RASEF: variants seen among roughly 807,000 people sequenced by gnomAD.
The protein encoded by RASEF is ras and EF-hand domain-containing protein.
A neutral mutation model predicts 90.1 loss-of-function variants in RASEF; 68 were observed. That is an observed-to-expected ratio of 0.75 (90% CI 0.62 to 0.92). RASEF has a LOEUF of 0.92. Ranked by LOEUF, RASEF falls within the 40% of genes least tolerant of loss-of-function variation. The probability of loss-of-function intolerance (pLI) is 0.00; values close to 1 mark genes in which losing one functional copy is unlikely to be tolerated. For synonymous variants in RASEF, 331 were observed against 345.2 expected (o/e 0.96, Z 0.46); for missense variants, 949 against 937.2 (o/e 1.01, Z -0.16).
At chr9:83,035,384 T>C (rs890455157) in intron 1 of RASEF, among the ~76,000 whole-genome samples, 2 of 152,172 alleles carry the variant, frequency 1.3e-5, no homozygotes, top group African/African-American at 4.8e-5. Context: ...TTACCATCTA[T>C]TAACATAAGG....
the RASEF span, among the ~76,000 whole-genome samples, chr9:83,208,410 T>C: frequency 6.6e-6 from 1 of 152,138 alleles, no homozygotes; most frequent in Non-Finnish European, 1.5e-5. Context: ...TAAAAGTTCC[T>C]CCTCTGAGCT....
At chr9:83,065,529 A>G (rs1830275380), upstream of RASEF, among the ~76,000 whole-genome samples, 1 of 152,182 alleles carries the variant, frequency 6.6e-6, no homozygotes, top group Non-Finnish European at 1.5e-5. Flanking sequence ...TATTCCATTG[A>G]CAAGTCACAT....
chr9:83,156,907 T>A, the RASEF span, among the ~76,000 whole-genome samples: 3 of 152,254 alleles, frequency 2.0e-5, no homozygotes, highest in African/African-American at 7.2e-5. Context: ...CAGTTTTCAC[T>A]GTAACACATG....
chr9:83,106,773 C>CCTT, the RASEF span, among the ~76,000 whole-genome samples: 1 of 104,950 alleles, frequency 9.5e-6, no homozygotes, highest in Non-Finnish European at 1.9e-5. Flanking sequence ...TTGTGACCAT[C>CCTT]CTTCTTTTCA....
the RASEF span, among the ~76,000 whole-genome samples, chr9:83,201,725 G>A: frequency 9.8e-4 from 149 of 152,274 alleles, no homozygotes; most frequent in African/African-American, 3.4e-3. Context: ...CTTGGAATAT[G>A]TAAGTAAGGA....
At chr9:83,210,101 A>G in the RASEF span, among the ~76,000 whole-genome samples, 1 of 152,184 alleles carries the variant, frequency 6.6e-6, no homozygotes, top group Non-Finnish European at 1.5e-5. Context: ...ATTTTCCACG[A>G]GAAAAAGGAG....
chr9:83,025,417 A>G (rs1829526257), intron 2 of RASEF, among the ~76,000 whole-genome samples: 1 of 152,222 alleles, frequency 6.6e-6, no homozygotes, highest in Admixed American at 6.5e-5. Context: ...CCTGCTCACA[A>G]AGTCTCATAC....
At chr9:83,218,864 T>C in the RASEF span, among the ~76,000 whole-genome samples, 1 of 152,028 alleles carries the variant, frequency 6.6e-6, no homozygotes. Flanking sequence ...AGCGTGGACA[T>C]TTACAGAAGC....
rs1468971060 is a variant in RASEF at position 83,062,996 on chromosome 9, C to G, written c.-129G>C. On this transcript the variant is annotated 5_prime_UTR_variant, in exon 1 of 17. Coordinates refer to ENST00000376447, the MANE Select transcript of RASEF (RefSeq NM_152573.4). The stretch of plus-strand genomic sequence containing the variant: ...TTGGCTCGTCCGGCTGGTTCGGCCA[C>G]TTGAGGGAACGTCGGGCGGGGCGAG... The G allele has an allele frequency of 3.0e-6, 3 of 1,008,222 alleles. No homozygotes were observed. Among genetic ancestry groups the G allele is most frequent in the Non-Finnish European group, 4.0e-6 (3 of 746,564 alleles). The allele number at this position is 1,008,222 out of a possible 1,614,324, so 62.5% of individuals were successfully genotyped here. A position where few individuals can be genotyped will look rare whatever the true frequency, so the allele number is the denominator to read the frequency against.
the RASEF span, among the ~76,000 whole-genome samples, chr9:83,099,499 T>C: frequency 1.3e-5 from 2 of 152,212 alleles, no homozygotes; most frequent in Non-Finnish European, 2.9e-5. Flanking sequence ...TAAGAGAAAG[T>C]CAAACTTATA....
At chr9:83,147,036 A>ATGTGTG in the RASEF span, among the ~76,000 whole-genome samples, 397 of 98,534 alleles carry the variant, frequency 4.0e-3, 2 homozygotes, top group African/African-American at 0.016. Context: ...GTGTATATAT[A>ATGTGTG]TATGTATATA....
chr9:83,004,729 C>T, intron 8 of RASEF, 143 bp from the exon 9 acceptor site: 1 of 599,252 alleles, frequency 1.7e-6, no homozygotes, highest in South Asian at 2.1e-5. Context: ...TGTTACACTA[C>T]CTGAGCAAAT....
chr9:83,010,525 T>C (rs968934241), intron 5 of RASEF, among the ~76,000 whole-genome samples: 5 of 152,150 alleles, frequency 3.3e-5, no homozygotes, highest in African/African-American at 4.8e-5. Context: ...AGGAGACAAG[T>C]GACCGGGCCG....
At chr9:82,993,071 A>T in intron 14 of RASEF, 46 bp from the exon 15 acceptor site, 1 of 1,595,142 alleles carries the variant, frequency 6.3e-7, no homozygotes, top group Non-Finnish European at 8.5e-7. Flanking sequence ...AACACTGGAC[A>T]CATTACGATG....
the RASEF span, among the ~76,000 whole-genome samples, chr9:83,115,828 CTAATAT>C: frequency 1.4e-3 from 215 of 151,686 alleles, 1 homozygote; most frequent in Non-Finnish European, 1.4e-3. Context: ...ATAAATACTG[CTAATAT>C]TAAAATTATG....
the RASEF span, among the ~76,000 whole-genome samples, chr9:83,164,049 T>A: frequency 6.7e-6 from 1 of 149,836 alleles, no homozygotes. Context: ...AAACTATCCT[T>A]CAAAAATGAA....
At chr9:83,077,968 C>T in the RASEF span, among the ~76,000 whole-genome samples, 2 of 152,144 alleles carry the variant, frequency 1.3e-5, no homozygotes, top group African/African-American at 2.4e-5. Flanking sequence ...CAAATGTTTA[C>T]CTTTATCTCA....
intron 1 of RASEF, among the ~76,000 whole-genome samples, chr9:83,041,189 A>G (rs1829834677): frequency 6.6e-6 from 1 of 152,218 alleles, no homozygotes; most frequent in Non-Finnish European, 1.5e-5. Flanking sequence ...CCTATTTCAA[A>G]GGTTACATTA....
At chr9:83,095,915 C>A in the RASEF span, among the ~76,000 whole-genome samples, 1 of 152,084 alleles carries the variant, frequency 6.6e-6, no homozygotes, top group Non-Finnish European at 1.5e-5. Flanking sequence ...TTGCTTATCC[C>A]TGTAGAGCTC....
Sources: allele counts gnomAD v4.1 joint callset (sites outside exome capture counted in the v4.1 genomes callset), GRCh38; gene constraint gnomAD v4.1.1; transcripts MANE v1.5; gene names NCBI Gene and HGNC (gene_info 2026-07-23, HGNC 2026-07-21).